The following NAV1 variants were observed in gnomAD, a reference collection of about 807,000 sequenced individuals.
NAV1 encodes the protein neuron navigator 1.
A neutral mutation model predicts 175.2 loss-of-function variants in NAV1; 18 were observed. That is an observed-to-expected ratio of 0.10 (90% CI 0.07 to 0.15). NAV1 has a LOEUF of 0.15. Ranked by LOEUF, NAV1 falls within the 10% of genes least tolerant of loss-of-function variation. NAV1 has a pLI of 1.00. For synonymous variants in NAV1, 897 were observed against 978.7 expected, an observed-to-expected ratio of 0.92 and a Z score of 1.56; for missense variants, 1,731 against 2,436.6, an observed-to-expected ratio of 0.71 and a Z score of 6.10.
chr1:201,803,710 G>A (rs759440369), exon 16 of NAV1: 26 of 1,547,152 alleles, frequency 1.7e-5, no homozygotes, highest in Non-Finnish European at 2.0e-5. Context: ...AAAAAAAAGA[G>A]TTGGGTAGGT....
intron 1 of NAV1, among the ~76,000 whole-genome samples, chr1:201,552,969 C>T (rs1326112404): frequency 6.6e-6 from 1 of 152,170 alleles, no homozygotes; most frequent in Non-Finnish European, 1.5e-5. Flanking sequence ...CCCCTCTGGG[C>T]TCCAGACTGC....
At position 201,782,986 on chromosome 1, in the gene NAV1, C is replaced by T. The variant is rs995361897; in HGVS notation, c.2357+117C>T. 4.7e-6 allele frequency: 4 copies of T among 848,096 alleles called. No homozygotes were observed. The African/African-American group carries it at 6.8e-5, about 15-fold the overall frequency. 52.5% of individuals were successfully genotyped at this position (848,096 alleles called of 1,614,324 possible). A position where few individuals can be genotyped will look rare whatever the true frequency, so the allele number is the denominator to read the frequency against. ...ATCCACCGTTGTCTCTAGGCCTTTGCATGGCTCTTTCCCACCTCTCCCCCA... is the reference window on the plus strand; with the variant it reads ...ATCCACCGTTGTCTCTAGGCCTTTGTATGGCTCTTTCCCACCTCTCCCCCA... On this transcript the variant is annotated intron_variant, in intron 6 of 29. Transcript: ENST00000367296. The surrounding 1 kb of genome is among the most constrained non-coding windows in gnomAD (Gnocchi z 5.4).
At chr1:201,725,680 G>A (rs1672577653) in intron 3 of NAV1, among the ~76,000 whole-genome samples, 1 of 152,034 alleles carries the variant, frequency 6.6e-6, no homozygotes, top group South Asian at 2.1e-4. Flanking sequence ...AGTGGGCTAG[G>A]CGCAGTGGCT....
At chr1:201,615,264 TTTC>T (rs1261614847) in intron 2 of NAV1, among the ~76,000 whole-genome samples, 5 of 98,106 alleles carry the variant, frequency 5.1e-5, no homozygotes, top group Non-Finnish European at 7.2e-5. Flanking sequence ...TCTTTCTTTC[TTTC>T]TTTTTTTTTT....
chr1:201,739,969 G>A (rs1673298309), intron 3 of NAV1: 5 of 1,398,146 alleles, frequency 3.6e-6, no homozygotes, highest in South Asian at 3.3e-5. Context: ...AGGCGAGAGC[G>A]GTCCTGGGGG....
intron 1 of NAV1, among the ~76,000 whole-genome samples, chr1:201,546,985 A>C (rs1488114564): frequency 6.8e-6 from 1 of 147,112 alleles, no homozygotes; most frequent in African/African-American, 2.5e-5. Flanking sequence ...CCAAAGAACA[A>C]GGACATTTTT....
rs146157035 is a variant in NAV1 at position 201,586,552 on chromosome 1, G to T, written c.-143-1987G>T. On this transcript the variant is annotated intron_variant, in intron 1 of 33. Coordinates refer to the NAV1 transcript ENST00000685211. ...AATCAAGGGGCTCAGGTTGGTGCCT[G>T]GTGAGGTCTGTCTTCCTGGCTCACA... Among the ~76,000 whole-genome samples, 30 of 152,156 alleles carry T rather than the reference G, an allele frequency of 2.0e-4. No individual in the cohort carries two copies. In the East Asian group the frequency reaches 4.8e-3, roughly 24 times the overall value.
intron 1 of NAV1, among the ~76,000 whole-genome samples, chr1:201,629,105 C>T (rs776153831): frequency 1.8e-4 from 27 of 152,302 alleles, no homozygotes; most frequent in Middle Eastern, 3.4e-3. Flanking sequence ...TCCCTCTGCC[C>T]TATAAGTGAT....
intron 1 of NAV1, among the ~76,000 whole-genome samples, chr1:201,540,132 C>T (rs1463497988): frequency 6.6e-6 from 1 of 152,162 alleles, no homozygotes; most frequent in African/African-American, 2.4e-5. Flanking sequence ...GAGGCAGGAA[C>T]TGGAGAGGAC....
chr1:201,589,053 G>A (rs11585243), intron 2 of NAV1, among the ~76,000 whole-genome samples: 12,207 of 151,704 alleles, frequency 0.08, 646 homozygotes, highest in East Asian at 0.23. Context: ...TCATCATATC[G>A]GTCAGGCTGG....
intron 15 of NAV1, chr1:201,794,802 C>T (rs112373338): frequency 3.7e-6 from 2 of 546,308 alleles, no homozygotes; most frequent in South Asian, 4.4e-5. Flanking sequence ...ACCTGTAAGC[C>T]CCAGGGGTCC....
intron 3 of NAV1, among the ~76,000 whole-genome samples, chr1:201,759,313 A>G (rs1412505625): frequency 6.6e-6 from 1 of 152,236 alleles, no homozygotes; most frequent in Non-Finnish European, 1.5e-5. Context: ...AAGTGGAGAA[A>G]CTGCTTTGGT....
At chr1:201,804,408 C>A in intron 16 of NAV1, 81 bp from the exon 21 acceptor site, 1 of 1,383,080 alleles carries the variant, frequency 7.2e-7, no homozygotes, top group Non-Finnish European at 9.9e-7. Context: ...CAGGTACCAG[C>A]TGTGTGAAAT....
At chr1:201,567,592 AGACAATATT>A (rs1666394030) in intron 1 of NAV1, among the ~76,000 whole-genome samples, 1 of 152,180 alleles carries the variant, frequency 6.6e-6, no homozygotes. Flanking sequence ...CTGTGTGTGT[AGACAATATT>A]GATGTGCCCA....
chr1:201,670,810 ATGG>A (rs1330713193), intron 1 of NAV1, among the ~76,000 whole-genome samples: 2 of 151,262 alleles, frequency 1.3e-5, no homozygotes, highest in Non-Finnish European at 2.9e-5. Flanking sequence ...TGTTTTGATG[ATGG>A]TGGTGGAGAT....
chr1:201,649,161 G>C, exon 1 of NAV1: 1 of 1,611,882 alleles, frequency 6.2e-7, no homozygotes, highest in East Asian at 2.2e-5. Flanking sequence ...GGCTCCGCTC[G>C]CGCCCAACCT....
chr1:201,642,557 T>TTCTTTTTTTCTTTCTTTCTTTC (rs1668819760), intron 2 of NAV1, among the ~76,000 whole-genome samples: 1 of 106,016 alleles, frequency 9.4e-6, no homozygotes, highest in African/African-American at 4.3e-5. Context: ...TTCTTTCTTT[T>TTCTTTTTTTCTTTCTTTCTTTC]TTCCCTTTCT....
intron 1 of NAV1, among the ~76,000 whole-genome samples, 156 bp from the exon 6 acceptor site, chr1:201,712,661 T>C (rs560577340): frequency 1.3e-5 from 2 of 152,182 alleles, no homozygotes; most frequent in African/African-American, 4.8e-5. Flanking sequence ...AGAGGGCCCA[T>C]TCTGTTGGTT....
At chr1:201,809,026 C>A in intron 20 of NAV1, 138 bp from the exon 25 acceptor site, 1 of 1,280,980 alleles carries the variant, frequency 7.8e-7, no homozygotes, top group Non-Finnish European at 1.1e-6. Flanking sequence ...GGTCCTTCAA[C>A]CTTAACTACT....
Sources: allele counts gnomAD v4.1 joint callset (sites outside exome capture counted in the v4.1 genomes callset), GRCh38; gene constraint gnomAD v4.1.1; non-coding constraint Gnocchi (gnomAD v3.1); transcripts MANE v1.5; gene names NCBI Gene and HGNC (gene_info 2026-07-23, HGNC 2026-07-21).